Variants in SCN11A observed in about 807,000 individuals in gnomAD.
SCN11A encodes the protein sodium voltage-gated channel alpha subunit 11, also known as sodium channel protein type 11 subunit alpha.
SCN11A carries 122 observed loss-of-function variants against 162.2 expected under a neutral mutation model. The observed-to-expected ratio is 0.75, with a 90% confidence interval of 0.65 to 0.87. The LOEUF (loss-of-function observed/expected upper bound fraction) is 0.87. Ranked by LOEUF, SCN11A falls within the 40% of genes least tolerant of loss-of-function variation. The pLI, the probability that SCN11A is intolerant of heterozygous loss-of-function variation, is 0.00. For missense variants in SCN11A, 2,015 were observed against 2,181.6 expected, an observed-to-expected ratio of 0.92 and a Z score of 1.52; for synonymous variants, 758 against 751.5, an observed-to-expected ratio of 1.01 and a Z score of -0.14.
intron 2 of SCN11A, among the ~76,000 whole-genome samples, chr3:38,963,941 C>T (rs1274524974): frequency 6.6e-6 from 1 of 152,150 alleles, no homozygotes; most frequent in African/African-American, 2.4e-5. Context: ...TTCAGACTTC[C>T]TGAAGTTTCA....
At chr3:38,940,894 C>G (rs1451347404) in intron 7 of SCN11A, among the ~76,000 whole-genome samples, 1 of 152,146 alleles carries the variant, frequency 6.6e-6, no homozygotes, top group Non-Finnish European at 1.5e-5. Flanking sequence ...CATGAAGTAG[C>G]TGGGCAAACC....
chr3:39,023,576 A>G (rs1227287212), intron 2 of SCN11A, among the ~76,000 whole-genome samples: 1 of 152,136 alleles, frequency 6.6e-6, no homozygotes. Context: ...AAAAGCAAAG[A>G]AAAAATCAAG....
chr3:39,027,400 G>A (rs1478531034), intron 2 of SCN11A, among the ~76,000 whole-genome samples: 7 of 152,144 alleles, frequency 4.6e-5, no homozygotes, highest in Non-Finnish European at 1.0e-4. Context: ...GTTGACACCA[G>A]TTTTTCAAAA....
intron 7 of SCN11A, among the ~76,000 whole-genome samples, chr3:38,937,078 A>G (rs1449538887): frequency 2.0e-5 from 3 of 152,130 alleles, no homozygotes; most frequent in Non-Finnish European, 2.9e-5. Context: ...CATATCTACA[A>G]CTATCTGATC....
chr3:38,960,737 C>CA (rs1316153030), intron 2 of SCN11A, among the ~76,000 whole-genome samples: 1 of 152,200 alleles, frequency 6.6e-6, no homozygotes, highest in East Asian at 1.9e-4. Context: ...TCTGGGGTCT[C>CA]ACCCCCCACA....
chr3:38,871,167 TG>T (rs1169625071), intron 25 of SCN11A, among the ~76,000 whole-genome samples: 1 of 152,184 alleles, frequency 6.6e-6, no homozygotes, highest in Admixed American at 6.6e-5. Flanking sequence ...CACTCCTCTC[TG>T]CCTGGAGATG....
chr3:39,004,259 A>G (rs111721518), intron 2 of SCN11A, among the ~76,000 whole-genome samples: 16 of 152,316 alleles, frequency 1.1e-4, no homozygotes, highest in African/African-American at 3.6e-4. Context: ...TTATCCCAGC[A>G]TCATTTATTG....
At chr3:38,980,463 C>T (rs12635888) in intron 2 of SCN11A, among the ~76,000 whole-genome samples, 15,788 of 152,176 alleles carry the variant, frequency 0.1, 1,054 homozygotes, top group East Asian at 0.22. Context: ...TCAGTGATGT[C>T]GGTCATGGAG....
At chr3:38,873,647 A>G (rs1377143834) in intron 23 of SCN11A, among the ~76,000 whole-genome samples, 1 of 152,132 alleles carries the variant, frequency 6.6e-6, no homozygotes, top group Non-Finnish European at 1.5e-5. Context: ...GTGAGAAGGG[A>G]TGTTCCTACA....
intron 23 of SCN11A, among the ~76,000 whole-genome samples, chr3:38,873,024 C>A (rs1358153118): frequency 2.0e-5 from 3 of 152,154 alleles, no homozygotes; most frequent in Non-Finnish European, 4.4e-5. Flanking sequence ...ATGCTATTTT[C>A]TCTCCCAATA....
At chr3:38,920,684 CAAA>C (rs36096755) in intron 10 of SCN11A, among the ~76,000 whole-genome samples, 4 of 55,978 alleles carry the variant, frequency 7.1e-5, no homozygotes, top group Non-Finnish European at 3.8e-5. Context: ...GACTCCATCT[CAAA>C]AAAAAAAAAA....
intron 2 of SCN11A, among the ~76,000 whole-genome samples, chr3:39,023,748 T>C (rs2031513103): frequency 6.6e-6 from 1 of 152,000 alleles, no homozygotes; most frequent in South Asian, 2.1e-4. Flanking sequence ...GTTCAAGCGA[T>C]TCTCCTGCCT....
At chr3:39,043,380 C>T (rs552761134) in intron 1 of SCN11A, among the ~76,000 whole-genome samples, 12 of 151,868 alleles carry the variant, frequency 7.9e-5, no homozygotes, top group Admixed American at 2.0e-4. Context: ...TTTGTTGCAG[C>T]GCTGTTCACA....
At chr3:38,943,975 T>A (rs533232296) in intron 7 of SCN11A, among the ~76,000 whole-genome samples, 1 of 152,326 alleles carries the variant, frequency 6.6e-6, no homozygotes, top group East Asian at 1.9e-4. Flanking sequence ...TTTGAAATGT[T>A]TCCAATACAA....
At chr3:38,911,069 A>G (rs73828710) in intron 11 of SCN11A, among the ~76,000 whole-genome samples, 2,443 of 152,286 alleles carry the variant, frequency 0.016, 67 homozygotes, top group African/African-American at 0.056. Context: ...ACCTCCGTAT[A>G]TCTAAATAGT....
chr3:39,019,431 T>C (rs1232284046), intron 2 of SCN11A, among the ~76,000 whole-genome samples: 19 of 152,202 alleles, frequency 1.2e-4, no homozygotes, highest in Non-Finnish European at 2.2e-4. Flanking sequence ...TTCAGGGAGA[T>C]TGACTTGAGT....
rs940612920 is a variant in SCN11A at position 38,996,243 on chromosome 3, T to C, written c.-279-35820A>G. Among the ~76,000 whole-genome samples, 3 of 152,196 alleles carry C rather than the reference T, an allele frequency of 2.0e-5. No homozygotes were observed. The East Asian group carries it at 5.8e-4, about 29-fold the overall frequency. On this transcript the variant is annotated intron_variant, in intron 2 of 29. Coordinates refer to ENST00000302328, the MANE Select transcript of SCN11A (RefSeq NM_001349253.2). ...CATATAAATGTACAGAAAGGGTGGATGGACATAGGCACTGGTTCACAGAGA... is the reference window on the plus strand; with the variant it reads ...CATATAAATGTACAGAAAGGGTGGACGGACATAGGCACTGGTTCACAGAGA...
chr3:38,968,932 A>G (rs188175320), intron 2 of SCN11A, among the ~76,000 whole-genome samples: 1 of 152,226 alleles, frequency 6.6e-6, no homozygotes, highest in South Asian at 2.1e-4. Flanking sequence ...TAGTATTTAT[A>G]TATGTGGTCT....
In SCN11A at chr3:38,940,447, T is replaced by G. The variant is rs187542021; in HGVS notation, c.488+4964A>C. 1.3e-3 allele frequency among the ~76,000 whole-genome samples: 193 copies of G among 152,250 alleles called. 1 individual carries two copies. The highest frequency in any genetic ancestry group is 6.8e-3 in the Middle Eastern group (2 of 292). On this transcript the variant is annotated intron_variant, in intron 7 of 29. Transcript: ENST00000302328. Reference sequence around the variant, plus strand: ...CTAGACATTACAACATTAGACAATCTTGATAGTTAAAAAGTGTGGTTCTGG... The same window carrying G: ...CTAGACATTACAACATTAGACAATCGTGATAGTTAAAAAGTGTGGTTCTGG...
Sources: gnomAD v4.1 joint callset for allele counts (sites outside exome capture counted in the v4.1 genomes callset) on GRCh38, gnomAD v4.1.1 for gene constraint, MANE v1.5 for transcripts, NCBI Gene and HGNC (gene_info 2026-07-23, HGNC 2026-07-21) for gene names.